TRIOBP: variants seen among roughly 807,000 people sequenced by gnomAD.
The protein encoded by TRIOBP is TRIO and F-actin-binding protein.
TRIOBP carries 169 observed loss-of-function variants against 238.8 expected under a neutral mutation model. That is an observed-to-expected ratio of 0.71 (90% CI 0.62 to 0.80). The LOEUF is 0.80. TRIOBP is among the 30% of genes least tolerant of loss of function. The pLI is 0.00. For missense variants in TRIOBP, 2,838 were observed against 3,122.6 expected, an observed-to-expected ratio of 0.91 and a Z score of 2.17; for synonymous variants, 1,150 against 1,274.4, an observed-to-expected ratio of 0.90 and a Z score of 2.08.
intron 17 of TRIOBP, chr22:37,759,548 A>G (rs1318873088): frequency 1.9e-6 from 3 of 1,600,474 alleles, no homozygotes; most frequent in Non-Finnish European, 2.5e-6. Flanking sequence ...GGCTGACTGC[A>G]GAGCCTGTGT....
At chr22:37,758,224 A>T in intron 16 of TRIOBP, 86 bp downstream of exon 16, 4 of 1,533,428 alleles carry the variant, frequency 2.6e-6, no homozygotes, top group Non-Finnish European at 3.5e-6. Flanking sequence ...TTTGTCTTGC[A>T]CTCCTACAGT....
At chr22:37,701,703 T>G (rs1922654527) in intron 3 of TRIOBP, among the ~76,000 whole-genome samples, 1 of 152,250 alleles carries the variant, frequency 6.6e-6, no homozygotes, top group Non-Finnish European at 1.5e-5. Flanking sequence ...TACCATAGCC[T>G]TATCTAATCT....
At chr22:37,741,527 C>T (rs1282270890) in intron 11 of TRIOBP, among the ~76,000 whole-genome samples, 1 of 152,244 alleles carries the variant, frequency 6.6e-6, no homozygotes, top group Non-Finnish European at 1.5e-5. Flanking sequence ...CTGAGACCCG[C>T]TCCCTCCCAC....
intron 5 of TRIOBP, among the ~76,000 whole-genome samples, chr22:37,714,502 C>T (rs1923418902): frequency 6.6e-6 from 1 of 152,086 alleles, no homozygotes; most frequent in Non-Finnish European, 1.5e-5. Flanking sequence ...AACTCTGTCT[C>T]TACTAAAAAT....
At chr22:37,733,520 A>G in intron 8 of TRIOBP, 108 bp downstream of exon 8, 1 of 876,142 alleles carries the variant, frequency 1.1e-6, no homozygotes. Flanking sequence ...TCCTCTATGA[A>G]AGGGTCGGAG....
chr22:37,773,505 C>A lies in TRIOBP; in HGVS notation c.*3-278C>A, dbSNP rs1601673725. ...AAAATTCTGAGATTACAGGTGTGAG[C>A]CGCTGCACCTGGCCAAAGTGTTCTT... On this transcript the variant is annotated intron_variant, in intron 23 of 23. Transcript: ENST00000644935. 2.6e-5 allele frequency among the ~76,000 whole-genome samples: 4 copies of A among 152,176 alleles called. No homozygotes were observed. The East Asian group carries it at 7.7e-4, about 29-fold the overall frequency.
At chr22:37,753,797 A>C (rs1925758597) in intron 12 of TRIOBP, among the ~76,000 whole-genome samples, 1 of 152,182 alleles carries the variant, frequency 6.6e-6, no homozygotes, top group African/African-American at 2.4e-5. Context: ...ACTTGAAACA[A>C]CCAACAGCAC....
chr22:37,750,606 G>A (rs758736684), intron 11 of TRIOBP: 2 of 470,336 alleles, frequency 4.3e-6, no homozygotes, highest in East Asian at 7.0e-5. Flanking sequence ...AGGGGTTCTC[G>A]GCCGTGAGCA....
intron 16 of TRIOBP, 119 bp from the exon 17 acceptor site, chr22:37,759,035 G>A: frequency 1.2e-6 from 1 of 845,496 alleles, no homozygotes; most frequent in East Asian, 2.7e-5. Flanking sequence ...GCATTCCTAA[G>A]CCTTCCAGGG....
At position 37,769,261 on chromosome 22, in the gene TRIOBP, G is replaced by A; in HGVS notation, c.6736-1G>A. The A allele has an allele frequency of 6.2e-7, 1 of 1,609,878 alleles. No homozygotes were observed. Among genetic ancestry groups the A allele is most frequent in the Non-Finnish European group, 8.5e-7 (1 of 1,178,652 alleles). The stretch of plus-strand genomic sequence containing the variant: ...TCCCCTGACCACCGTGCCTCTCCCA[G>A]GAGCTGCATGGCCGCCTGTCAGAGG... On this transcript the variant is annotated splice_acceptor_variant, in intron 20 of 23. Transcript: ENST00000644935. LOFTEE classifies it high-confidence loss of function.
At position 37,734,649 on chromosome 22, in the gene TRIOBP, G is replaced by C. The variant is rs754709153; in HGVS notation, c.4313G>C (p.Gly1438Ala). ...QSQEEPPGSQ[G>A]PHRHLERSWS... ...CAGGAGGAACCGCCAGGGTCCCAGG[G>C]CCCTCATAGACACCTAGAAAGGAGC... is the stretch of plus-strand genomic sequence containing the variant. The change falls in exon 9 of 24, where the codon GGC (glycine) becomes GCC (alanine). Residue 1438 changes from glycine (G) to alanine (A), a missense_variant. Transcript: ENST00000644935. 1.2e-5 allele frequency: 19 copies of C among 1,594,830 alleles called. No homozygotes were observed. Among genetic ancestry groups the C allele is most frequent in the Admixed American group, 1.8e-5 (1 of 56,574 alleles).
rs761513655 is a variant in TRIOBP at position 37,724,439 on chromosome 22, G to A, written c.1883G>A (p.Cys628Tyr). 19 of 1,611,884 alleles carry A rather than the reference G, an allele frequency of 1.2e-5. No individual in the cohort carries two copies. The highest frequency in any genetic ancestry group is 6.6e-5 in the South Asian group (6 of 90,906). The change falls in exon 7 of 24, where the codon TGT becomes TAT. Residue 628 changes from cysteine (C) to tyrosine (Y), a missense_variant. Around this residue, in one of 5 missense-constraint regions of TRIOBP, gnomAD observed 167 missense variants for 200.2 expected, o/e 0.83. Coordinates refer to ENST00000644935, the MANE Select transcript of TRIOBP (RefSeq NM_001039141.3). ...RATRDNPRTS[C>Y]AQRDNPRASS... ...ACACGAGATAACCCCAGAACATCCT[G>A]TGCCCAGCGGGACAATCCCAGAGCC... is the stretch of plus-strand genomic sequence containing the variant.
intron 12 of TRIOBP, among the ~76,000 whole-genome samples, chr22:37,754,656 G>C (rs1925814597): frequency 6.6e-6 from 1 of 152,108 alleles, no homozygotes; most frequent in African/African-American, 2.4e-5. Context: ...AATCTTAAAA[G>C]GAGCTCCAAG....
chr22:37,765,759 G>A lies in TRIOBP; in HGVS notation c.6414G>A (p.Gln2138=), dbSNP rs369245613. Residue 2138 remains glutamine, a synonymous_variant, in exon 18 of 24, where the codon CAG becomes CAA. Transcript: ENST00000644935. ...AGCGGCACCACGAGCGGGAGCTGCA[G>A]CGCCTGCAGCAGGAGAAGGAGTGGC... The part of the protein sequence containing the change: ...ELQRHHEREL[Q]RLQQEKEWLL... 165 of 1,581,852 alleles carry A rather than the reference G, an allele frequency of 1.0e-4. 1 individual carries two copies. The African/African-American group carries it at 1.8e-3, about 17-fold the overall frequency.
intron 16 of TRIOBP, 133 bp downstream of exon 16, chr22:37,758,271 A>C (rs1347745542): frequency 8.7e-7 from 1 of 1,151,004 alleles, no homozygotes; most frequent in Non-Finnish European, 1.2e-6. Context: ...GTGAGTGTGC[A>C]CCCCACACTC....
intron 11 of TRIOBP, chr22:37,750,785 G>A (rs996538697): frequency 1.7e-5 from 8 of 466,650 alleles, no homozygotes; most frequent in African/African-American, 1.4e-4. Context: ...AGTGGGTCGG[G>A]AGAGGTGGCC....
chr22:37,715,235 G>C (rs941510604), intron 5 of TRIOBP, among the ~76,000 whole-genome samples: 8 of 152,088 alleles, frequency 5.3e-5, no homozygotes, highest in African/African-American at 1.9e-4. Context: ...GGCTGGTTTC[G>C]AACTCCTGCC....
Position 37,732,675 on chromosome 22 carries a change from C to T in TRIOBP, c.3948-623C>T, listed in dbSNP as rs59454829. 3.4e-3 allele frequency among the ~76,000 whole-genome samples: 511 copies of T among 152,116 alleles called. 3 individuals are homozygous for T. Among genetic ancestry groups the T allele is most frequent in the African/African-American group, 0.012 (488 of 41,486 alleles). The stretch of plus-strand genomic sequence containing the variant: ...TAAGCGCTGGGATTCTGTTGGTTAA[C>T]AGTGATGGGAGGGAAAAAGGAAAAG... On this transcript the variant is annotated intron_variant, in intron 7 of 23. Coordinates refer to ENST00000644935, the MANE Select transcript of TRIOBP (RefSeq NM_001039141.3).
chr22:37,769,589 A>G (rs1926667324), intron 21 of TRIOBP, among the ~76,000 whole-genome samples: 1 of 152,234 alleles, frequency 6.6e-6, no homozygotes, highest in Non-Finnish European at 1.5e-5. Flanking sequence ...CGTGTACCAT[A>G]GCAAATCACT....
Sources: allele counts gnomAD v4.1 joint callset (sites outside exome capture counted in the v4.1 genomes callset), GRCh38; gene constraint gnomAD v4.1.1; regional missense constraint gnomAD v4.1.1; transcripts MANE v1.5; gene names NCBI Gene and HGNC (gene_info 2026-07-23, HGNC 2026-07-21).